Variants in TRIL observed in about 807,000 individuals in gnomAD.
TRIL encodes TLR4 interactor with leucine rich repeats.
TRIL carries 23 observed loss-of-function variants against 43.0 expected under a neutral mutation model. The ratio of observed to expected loss-of-function variants is 0.54; its 90% CI spans 0.39 to 0.76. TRIL has a LOEUF of 0.76. TRIL is among the 30% of genes least tolerant of loss of function. TRIL has a pLI of 0.00. For missense variants in TRIL, 1,114 were observed against 1,139.3 expected (o/e 0.98, Z 0.32); for synonymous variants, 602 against 556.8 (o/e 1.08, Z -1.14).
Position 28,956,543 on chromosome 7 carries a change from C to A in TRIL, c.1504G>T (p.Ala502Ser), listed in dbSNP as rs777148903. 6 of 1,555,048 alleles carry A rather than the reference C, an allele frequency of 3.9e-6. No homozygotes were observed. Among genetic ancestry groups the A allele is most frequent in the Non-Finnish European group, 4.3e-6 (5 of 1,158,942 alleles). The change falls in exon 1 of 1, where the codon GCG (alanine) becomes TCG (serine). Residue 502 changes from alanine (A) to serine (S), a missense_variant. Transcript: ENST00000539664. ...TCTAGGGACTGTGGAGCCGGGCCCG[C>A]GGCGGCAGCGACGGAGGGGCTGGGC... ...QQPSPSVAAAAGPAPQSLDLH... is the reference protein window; with the variant it reads ...QQPSPSVAAASGPAPQSLDLH...
chr7:28,958,088 C>T lies in TRIL; in HGVS notation c.-42G>A, dbSNP rs1254075219. 2.7e-6 allele frequency: 4 copies of T among 1,465,760 alleles called. No homozygotes were observed. The highest frequency in any genetic ancestry group is 3.6e-6 in the Non-Finnish European group (4 of 1,113,776). The allele number at this position is 1,465,760 out of a possible 1,614,324, so 90.8% of individuals were successfully genotyped here. A position where few individuals can be genotyped will look rare whatever the true frequency, so the allele number is the denominator to read the frequency against. On this transcript the variant is annotated 5_prime_UTR_variant, in exon 1 of 1. Coordinates refer to ENST00000539664, the MANE Select transcript of TRIL (RefSeq NM_014817.4). ...TGCAGCGGCCGGATCGTCCTCTTGG[C>T]CCGCCGGCTCTGTGTCTCCTCTGCA...
Position 28,958,027 on chromosome 7 carries a change from A to G in TRIL, c.20T>C (p.Leu7Ser), listed in dbSNP as rs1484042878. Residue 7 changes from leucine (L) to serine (S), a missense_variant, in exon 1 of 1, where the codon TTG (leucine) becomes TCG (serine). Physicochemically the swap from Leu to Ser is moderately radical, Grantham distance 145 (BLOSUM62 -2). Transcript: ENST00000539664. ...GCCGCACACCACGAGCAGGAGGCGC[A>G]AGGCGCGGGCAGCCTCCATCGCCTC... MEAARA[L>S]RLLLVVCGCL... The G allele has an allele frequency of 1.9e-6, 3 of 1,565,148 alleles. No individual in the cohort carries two copies. The highest frequency in any genetic ancestry group is 1.3e-5 in the African/African-American group (1 of 74,204).
chr7:28,958,216 G>T lies in TRIL; in HGVS notation c.-170C>A. On this transcript the variant is annotated 5_prime_UTR_variant, in exon 1 of 1. Coordinates refer to ENST00000539664, the MANE Select transcript of TRIL (RefSeq NM_014817.4). The stretch of plus-strand genomic sequence containing the variant: ...TGTCCGGAGGCCGGCCCGGGTCTCT[G>T]CAGGCGGGCTTCGCCCGGCCAAGTC... The T allele has an allele frequency of 9.9e-7, 1 of 1,014,374 alleles. No individual in the cohort carries two copies. The highest frequency in any genetic ancestry group is 1.4e-6 in the Non-Finnish European group (1 of 731,476). The allele number at this position is 1,014,374 out of a possible 1,614,324, so 62.8% of individuals were successfully genotyped here. A position where few individuals can be genotyped will look rare whatever the true frequency, so the allele number is the denominator to read the frequency against.
rs367606371 is a variant in TRIL, at chr7:28,957,177, G to A, written c.870C>T (p.Ser290=). 687 of 1,595,592 alleles carry A rather than the reference G, an allele frequency of 4.3e-4. 2 individuals are homozygous for A. Among genetic ancestry groups the A allele is most frequent in the Non-Finnish European group, 5.4e-4 (635 of 1,174,628 alleles). ...RELRLEGNRL[S]QLPTALLEPL... The stretch of plus-strand genomic sequence containing the variant: ...GCTCCAGCAGCGCAGTTGGCAGCTG[G>A]CTCAGCCGATTACCCTCCAGGCGCA... The change falls in exon 1 of 1, where the codon AGC becomes AGT. Residue 290 remains serine, a synonymous_variant. Transcript: ENST00000539664.
Position 28,956,386 on chromosome 7 carries a change from C to G in TRIL, c.1661G>C (p.Arg554Pro). The G allele has an allele frequency of 1.3e-6, 2 of 1,535,090 alleles. No homozygotes were observed. The highest frequency in any genetic ancestry group is 1.7e-6 in the Non-Finnish European group (2 of 1,146,696). Residue 554 changes from arginine (R) to proline (P), a missense_variant, in exon 1 of 1, where the codon CGT (arginine) becomes CCT (proline). Arg to Pro is a moderately radical substitution (Grantham distance 103). Transcript: ENST00000539664. ...GDPWQRATKH[R>P]LGTEHQERAA... ...ACGCTCCTGGTGCTCCGTGCCCAGACGATGCTTCGTCGCGCGCTGCCAGGG... is the reference window on the plus strand; with the variant it reads ...ACGCTCCTGGTGCTCCGTGCCCAGAGGATGCTTCGTCGCGCGCTGCCAGGG...
rs1783363942 is a variant in TRIL, at chr7:28,954,292, A to C, written c.*1319T>G. ...GTTTAAAACAAAAACATTTAAAAGA[A>C]ATACTGCAACTATTAACTAAAAGAT... On this transcript the variant is annotated 3_prime_UTR_variant, in exon 1 of 1. Transcript: ENST00000539664. 1 of 152,650 alleles carries C rather than the reference A, an allele frequency of 6.6e-6. No individual in the cohort carries two copies. Among genetic ancestry groups the C allele is most frequent in the Non-Finnish European group, 1.5e-5 (1 of 68,046 alleles). 9.5% of individuals were successfully genotyped at this position (152,650 alleles called of 1,614,324 possible). A position where few individuals can be genotyped will look rare whatever the true frequency, so the allele number is the denominator to read the frequency against.
In TRIL at chr7:28,954,137, C is replaced by T. The variant is rs1241785837; in HGVS notation, c.*1474G>A. 1 of 152,526 alleles carries T rather than the reference C, an allele frequency of 6.6e-6. No homozygotes were observed. The highest frequency in any genetic ancestry group is 1.5e-5 in the Non-Finnish European group (1 of 68,040). The allele number at this position is 152,526 out of a possible 1,614,324, so 9.4% of individuals were successfully genotyped here. On this transcript the variant is annotated 3_prime_UTR_variant, in exon 1 of 1. Coordinates refer to ENST00000539664, the MANE Select transcript of TRIL (RefSeq NM_014817.4). Reference sequence around the variant, plus strand: ...TCTCTTAGTGACTGCATTTTTAGACCACACATAAAATTATTAATGTAAACC... The same window carrying T: ...TCTCTTAGTGACTGCATTTTTAGACTACACATAAAATTATTAATGTAAACC...
At position 28,957,404 on chromosome 7, in the gene TRIL, GCTCGTT is replaced by G; in HGVS notation, c.637_642del (p.Asn213_Glu214del). On this transcript the variant is annotated inframe_deletion, in exon 1 of 1. Transcript: ENST00000539664. ...GCCGCGTGGCGCAGGGAGGGCTGTA[GCTCGTT>G]GGCAGAGAGGTTGAGGAAGCGCAGC... 6.2e-7 allele frequency: 1 copy of G among 1,613,536 alleles called. No individual in the cohort carries two copies. Among genetic ancestry groups the G allele is most frequent in the Non-Finnish European group, 8.5e-7 (1 of 1,179,864 alleles).
In TRIL at chr7:28,956,040, G is replaced by C. The variant is rs756525321; in HGVS notation, c.2007C>G (p.Val669=). 3 of 1,549,974 alleles carry C rather than the reference G, an allele frequency of 1.9e-6. No individual in the cohort carries two copies. In the African/African-American group the frequency reaches 4.1e-5, roughly 21 times the overall value. The part of the protein sequence containing the change: ...VCVEGVLGGR[V]CPVAPRDHCA... ...AGTGGTCCCGGGGAGCCACAGGGCAGACACGGCCCCCAAGCACGCCCTCCA... is the reference window on the plus strand; with the variant it reads ...AGTGGTCCCGGGGAGCCACAGGGCACACACGGCCCCCAAGCACGCCCTCCA... Residue 669 remains valine, a synonymous_variant, in exon 1 of 1, where the codon GTC becomes GTG. Transcript: ENST00000539664.
At position 28,955,590 on chromosome 7, in the gene TRIL, T is replaced by C; in HGVS notation, c.*21A>G. ...AGGCGGCTCCTTAGGGCCAATGAGA[T>C]GGTCTCTATATGCCCTGGACCTAGT... On this transcript the variant is annotated 3_prime_UTR_variant, in exon 1 of 1. Transcript: ENST00000539664. 6.7e-7 allele frequency: 1 copy of C among 1,495,564 alleles called. No homozygotes were observed. 92.6% of individuals were successfully genotyped at this position (1,495,564 alleles called of 1,614,324 possible).
Position 28,957,402 on chromosome 7 carries a change from T to C in TRIL, c.645A>G (p.Leu215=), listed in dbSNP as rs762642462. The C allele has an allele frequency of 2.5e-6, 4 of 1,613,480 alleles. No homozygotes were observed. In the Admixed American group the frequency reaches 6.7e-5, roughly 27 times the overall value. ...LRFLNLSANE[L]QPSLRHAATF... Reference sequence around the variant, plus strand: ...TGGCCGCGTGGCGCAGGGAGGGCTGTAGCTCGTTGGCAGAGAGGTTGAGGA... The same window carrying C: ...TGGCCGCGTGGCGCAGGGAGGGCTGCAGCTCGTTGGCAGAGAGGTTGAGGA... Residue 215 remains leucine (L), a synonymous_variant, in exon 1 of 1, where the codon CTA becomes CTG. Coordinates refer to ENST00000539664, the MANE Select transcript of TRIL (RefSeq NM_014817.4).
chr7:28,956,357 C>A lies in TRIL; in HGVS notation c.1690G>T (p.Ala564Ser), dbSNP rs1457423656. The change falls in exon 1 of 1, where the codon GCC (alanine) becomes TCC (serine). Residue 564 changes from alanine to serine, a missense_variant. Transcript: ENST00000539664. ...AGCCCGGCCCCACCGTCGGACTGGG[C>A]GGCACGCTCCTGGTGCTCCGTGCCC... ...RLGTEHQERA[A>S]QSDGGAGLPP... 6.5e-7 allele frequency: 1 copy of A among 1,530,882 alleles called. No individual in the cohort carries two copies. The allele number at this position is 1,530,882 out of a possible 1,614,324, so 94.8% of individuals were successfully genotyped here.
chr7:28,957,886 G>A lies in TRIL; in HGVS notation c.161C>T (p.Ser54Leu), dbSNP rs1783433959. The A allele has an allele frequency of 6.2e-7, 1 of 1,613,342 alleles. No individual in the cohort carries two copies. The highest frequency in any genetic ancestry group is 1.3e-5 in the African/African-American group (1 of 75,064). ...RGLRVVPKTS[S>L]LPSPHDVLTY... is the part of the protein sequence containing the mutation. ...GAGCACGTCGTGGGGGCTCGGCAGCGAGCTGGTCTTGGGCACTACGCGGAG... is the reference window on the plus strand; with the variant it reads ...GAGCACGTCGTGGGGGCTCGGCAGCAAGCTGGTCTTGGGCACTACGCGGAG... Residue 54 changes from serine (S) to leucine (L), a missense_variant, in exon 1 of 1, where the codon TCG becomes TTG. Transcript: ENST00000539664.
Position 28,956,691 on chromosome 7 carries a change from C to T in TRIL, c.1356G>A (p.Pro452=). 1 of 1,585,886 alleles carries T rather than the reference C, an allele frequency of 6.3e-7. No individual in the cohort carries two copies. Among genetic ancestry groups the T allele is most frequent in the Admixed American group, 1.7e-5 (1 of 57,322 alleles). ...GCCCCTGCTGCTGGAGCTGCGGCTG[C>T]GGCGGCAGCTCCTCCGCGAGACCTG... ...PPAGLAEELP[P]QPQLQQQGRF... is the part of the protein sequence containing the mutation. The change falls in exon 1 of 1, where the codon CCG becomes CCA. Residue 452 remains proline (P), a synonymous_variant. Coordinates refer to ENST00000539664, the MANE Select transcript of TRIL (RefSeq NM_014817.4).
At position 28,956,680 on chromosome 7, in the gene TRIL, A is replaced by AGCTGCG. The variant is rs774355324; in HGVS notation, c.1361_1366dup (p.Pro454_Gln455dup). On this transcript the variant is annotated inframe_insertion, in exon 1 of 1. Coordinates refer to ENST00000539664, the MANE Select transcript of TRIL (RefSeq NM_014817.4). The stretch of plus-strand genomic sequence containing the variant: ...AGCTAGAAATCGCCCCTGCTGCTGG[A>AGCTGCG]GCTGCGGCTGCGGCGGCAGCTCCTC... 1.9e-4 allele frequency: 306 copies of AGCTGCG among 1,584,060 alleles called. No individual in the cohort carries two copies. The highest frequency in any genetic ancestry group is 1.3e-3 in the Middle Eastern group (8 of 5,958).
rs369693682 is a variant in TRIL, at chr7:28,957,398, G to A, written c.649C>T (p.Pro217Ser). The A allele has an allele frequency of 4.3e-6, 7 of 1,613,418 alleles. No individual in the cohort carries two copies. The African/African-American group carries it at 5.3e-5, about 12-fold the overall frequency. ...AAGGTGGCCGCGTGGCGCAGGGAGG[G>A]CTGTAGCTCGTTGGCAGAGAGGTTG... ...FLNLSANELQ[P>S]SLRHAATFAP... The change falls in exon 1 of 1, where the codon CCC becomes TCC. Residue 217 changes from proline (P) to serine (S), a missense_variant. By Grantham distance (74) the Pro-to-Ser change is moderately conservative. Coordinates refer to ENST00000539664, the MANE Select transcript of TRIL (RefSeq NM_014817.4).
At position 28,958,099 on chromosome 7, in the gene TRIL, T is replaced by C. The variant is rs1562704097; in HGVS notation, c.-53A>G. The C allele has an allele frequency of 2.1e-6, 3 of 1,463,112 alleles. No homozygotes were observed. The highest frequency in any genetic ancestry group is 2.7e-5 in the Admixed American group (1 of 36,838). The allele number at this position is 1,463,112 out of a possible 1,614,324, so 90.6% of individuals were successfully genotyped here. On this transcript the variant is annotated 5_prime_UTR_variant, in exon 1 of 1. Transcript: ENST00000539664. ...GATCGTCCTCTTGGCCCGCCGGCTC[T>C]GTGTCTCCTCTGCATTCCCCTTAGC...
chr7:28,955,641 C>T lies in TRIL; in HGVS notation c.2406G>A (p.Glu802=), dbSNP rs1183421104. The T allele has an allele frequency of 1.3e-6, 2 of 1,545,290 alleles. No individual in the cohort carries two copies. The highest frequency in any genetic ancestry group is 1.7e-6 in the Non-Finnish European group (2 of 1,146,130). The change falls in exon 1 of 1, where the codon GAG becomes GAA. Residue 802 remains glutamate (E), a synonymous_variant. Transcript: ENST00000539664. ...CGGCAAATCGCTGCAGGAGACGGTC[C>T]TCCCGTCTCAGGCTGCCGCCCGCGC... The part of the protein sequence containing the change: ...GGGAGGSLRR[E]DRLLQRFAD
In TRIL at chr7:28,956,576, G is replaced by T; in HGVS notation, c.1471C>A (p.Leu491Ile). The change falls in exon 1 of 1, where the codon CTC becomes ATC. Residue 491 changes from leucine to isoleucine, a missense_variant. Coordinates refer to ENST00000539664, the MANE Select transcript of TRIL (RefSeq NM_014817.4). ...GCGACGGAGGGGCTGGGCTGCTGGA[G>T]GCCCGGGCCCCGCCGACTCAGCCTT... is the stretch of plus-strand genomic sequence containing the variant. ...ALRLSRRGPG[L>I]QQPSPSVAAA... The T allele has an allele frequency of 6.4e-7, 1 of 1,554,976 alleles. No individual in the cohort carries two copies. Among genetic ancestry groups the T allele is most frequent in the East Asian group, 2.4e-5 (1 of 42,462 alleles).
Sources: allele counts gnomAD v4.1 joint callset, GRCh38; gene constraint gnomAD v4.1.1; transcripts MANE v1.5; gene names NCBI Gene and HGNC (gene_info 2026-07-23, HGNC 2026-07-21).